Variants in ST6GALNAC6 observed in about 807,000 individuals in gnomAD.
The protein encoded by ST6GALNAC6 is ST6 N-acetylgalactosaminide alpha-2,6-sialyltransferase 6.
A neutral mutation model predicts 34.3 loss-of-function variants in ST6GALNAC6; 19 were observed. That is an observed-to-expected ratio of 0.55 (90% CI 0.39 to 0.81). The LOEUF (loss-of-function observed/expected upper bound fraction) is 0.81, where lower values mean the gene tolerates loss of function less well. ST6GALNAC6 is among the 40% of genes least tolerant of loss of function. The pLI, the probability that ST6GALNAC6 is intolerant of heterozygous loss-of-function variation, is 0.00. For missense variants in ST6GALNAC6, 377 were observed against 467.7 expected, an observed-to-expected ratio of 0.81 and a Z score of 1.79; for synonymous variants, 185 against 182.1, an observed-to-expected ratio of 1.02 and a Z score of -0.13.
chr9:127,896,782 G>C, intron 2 of ST6GALNAC6: 1 of 870,188 alleles, frequency 1.1e-6, no homozygotes, highest in Non-Finnish European at 1.4e-6. Context: ...ATGGCCTCCT[G>C]ACTCCCACTC....
chr9:127,886,938 G>C, intron 6 of ST6GALNAC6, 150 bp from the exon 7 acceptor site: 1 of 745,126 alleles, frequency 1.3e-6, no homozygotes, highest in South Asian at 2.3e-5. Flanking sequence ...ATGGGTGCAG[G>C]GTAGACTAGG....
In ST6GALNAC6 at chr9:127,894,605, G is replaced by A. The variant is rs753652984; in HGVS notation, c.204C>T (p.Phe68=). 2 of 1,614,230 alleles carry A rather than the reference G, an allele frequency of 1.2e-6. No individual in the cohort carries two copies. Among genetic ancestry groups the A allele is most frequent in the South Asian group, 1.1e-5 (1 of 91,082 alleles). Residue 68 remains phenylalanine, a synonymous_variant, in exon 4 of 7, where the codon TTC becomes TTT. Coordinates refer to ENST00000373146, the MANE Select transcript of ST6GALNAC6 (RefSeq NM_013443.5). ...TACGGCCCCGCAGGGAGCCGTAATG[G>A]AAGACCTCATTGGCACTGTTGGAGC... ...LYSSNSANEV[F]HYGSLRGRSR...
chr9:127,891,920 G>A (rs1457237887), intron 4 of ST6GALNAC6, among the ~76,000 whole-genome samples: 3 of 152,040 alleles, frequency 2.0e-5, no homozygotes, highest in Admixed American at 2.0e-4. Context: ...GGGAGGCTGA[G>A]GTGGGCGGAT....
rs775328456 is a variant in ST6GALNAC6, at chr9:127,896,346, G to A, written c.27-14C>T. 9 of 1,604,668 alleles carry A rather than the reference G, an allele frequency of 5.6e-6. No homozygotes were observed. In the South Asian group the frequency reaches 6.7e-5, roughly 12 times the overall value. Reference sequence around the variant, plus strand: ...GTGGGTTCACACCTGCAAGCCACCAGAAAGGGTTATTATGGCTTCGGTCCT... The same window carrying A: ...GTGGGTTCACACCTGCAAGCCACCAAAAAGGGTTATTATGGCTTCGGTCCT... On this transcript the variant is annotated splice_polypyrimidine_tract_variant and intron_variant, in intron 2 of 6. Coordinates refer to ENST00000373146, the MANE Select transcript of ST6GALNAC6 (RefSeq NM_013443.5).
chr9:127,897,580 A>C (rs1218775579), intron 2 of ST6GALNAC6, among the ~76,000 whole-genome samples: 2 of 150,114 alleles, frequency 1.3e-5, no homozygotes, highest in African/African-American at 4.9e-5. Flanking sequence ...AGGGAGGCCC[A>C]GACTCCTATC....
Position 127,897,947 on chromosome 9 carries a change from A to G in ST6GALNAC6, c.26+9T>C. On this transcript the variant is annotated intron_variant, in intron 2 of 6. Coordinates refer to ENST00000373146, the MANE Select transcript of ST6GALNAC6 (RefSeq NM_013443.5). ...AGCTGCCAGTGCGAATCCCGGTTTC[A>G]CCACTTACTGGCTGGGGGGCCTCGA... The G allele has an allele frequency of 6.2e-7, 1 of 1,612,678 alleles. No individual in the cohort carries two copies. The highest frequency in any genetic ancestry group is 8.5e-7 in the Non-Finnish European group (1 of 1,179,364).
At chr9:127,894,470 T>C in intron 4 of ST6GALNAC6, 42 bp downstream of exon 4, 2 of 1,605,862 alleles carry the variant, frequency 1.2e-6, no homozygotes, top group Non-Finnish European at 1.7e-6. Flanking sequence ...GGAGTGGTGA[T>C]GCTGGGCAGT....
chr9:127,886,542 G>A lies in ST6GALNAC6; in HGVS notation c.*57C>T, dbSNP rs1003536708. ...GCCAGAAGATGGTCCCTGGCCTAGCGGCTGGGCGGAGGCTGCTTCTCCTCT... is the reference window on the plus strand; with the variant it reads ...GCCAGAAGATGGTCCCTGGCCTAGCAGCTGGGCGGAGGCTGCTTCTCCTCT... On this transcript the variant is annotated 3_prime_UTR_variant, in exon 7 of 7. Coordinates refer to ENST00000373146, the MANE Select transcript of ST6GALNAC6 (RefSeq NM_013443.5). The A allele has an allele frequency of 6.2e-7, 1 of 1,600,226 alleles. No homozygotes were observed. The highest frequency in any genetic ancestry group is 1.3e-5 in the African/African-American group (1 of 74,414).
At chr9:127,899,301 G>A (rs1830654410) in intron 1 of ST6GALNAC6, 1 of 170,512 alleles carries the variant, frequency 5.9e-6, no homozygotes, top group Non-Finnish European at 1.2e-5. Context: ...GAGGCCCAGC[G>A]GACCCCGCGA....
rs745464253 is a variant in ST6GALNAC6 at position 127,886,626 on chromosome 9, G to T, written c.975C>A (p.Ile325=). The part of the protein sequence containing the change: ...VFSSWAQLYG[I]TFSHPSWT ...AGGTCCAGGAGGGGTGGGAGAAGGT[G>T]ATGCCATACAGCTGGGCCCACGATG... The change falls in exon 7 of 7, where the codon ATC becomes ATA. Residue 325 remains isoleucine (I), a synonymous_variant. Transcript: ENST00000373146. 6.2e-7 allele frequency: 1 copy of T among 1,614,022 alleles called. No individual in the cohort carries two copies. The highest frequency in any genetic ancestry group is 8.5e-7 in the Non-Finnish European group (1 of 1,180,016).
intron 4 of ST6GALNAC6, among the ~76,000 whole-genome samples, chr9:127,892,163 CA>C (rs1251168118): frequency 6.6e-6 from 1 of 151,920 alleles, no homozygotes; most frequent in Non-Finnish European, 1.5e-5. Flanking sequence ...AAAAACAAAA[CA>C]AAACAAAAAA....
At position 127,885,818 on chromosome 9, in the gene ST6GALNAC6, T is replaced by C. The variant is rs1022951383; in HGVS notation, c.*781A>G. The stretch of plus-strand genomic sequence containing the variant: ...CAGAGTCCCCCAACCCTGAAGGAGT[T>C]TGCGCAAAAATACCCTAAAGTTTTC... On this transcript the variant is annotated 3_prime_UTR_variant, in exon 7 of 7. Transcript: ENST00000373146. 14 of 152,116 alleles carry C rather than the reference T, an allele frequency of 9.2e-5. No individual in the cohort carries two copies. The highest frequency in any genetic ancestry group is 3.1e-4 in the African/African-American group (13 of 41,394). 9.4% of individuals were successfully genotyped at this position (152,116 alleles called of 1,614,324 possible). A position where few individuals can be genotyped will look rare whatever the true frequency, so the allele number is the denominator to read the frequency against.
chr9:127,891,202 G>A (rs1830114020), intron 4 of ST6GALNAC6, among the ~76,000 whole-genome samples, 159 bp from the exon 5 acceptor site: 1 of 152,176 alleles, frequency 6.6e-6, no homozygotes, highest in African/African-American at 2.4e-5. Flanking sequence ...ATAGCAAGCT[G>A]GTTAATGGCC....
In ST6GALNAC6 at chr9:127,890,815, G is replaced by A; in HGVS notation, c.526C>T (p.Pro176Ser). 1 of 1,613,840 alleles carries A rather than the reference G, an allele frequency of 6.2e-7. No individual in the cohort carries two copies. Among genetic ancestry groups the A allele is most frequent in the South Asian group, 1.1e-5 (1 of 91,074 alleles). ...RRPQEFVNRT[P>S]ETVFIFWGPP... Reference sequence around the variant, plus strand: ...CCCCAGAAGATGAACACGGTTTCAGGGGTCCGGTTGACAAACTCCTGGGGC... The same window carrying A: ...CCCCAGAAGATGAACACGGTTTCAGAGGTCCGGTTGACAAACTCCTGGGGC... Residue 176 changes from proline to serine, a missense_variant, in exon 5 of 7, where the codon CCT becomes TCT. Physicochemically the swap from Pro to Ser is moderately conservative, Grantham distance 74. Transcript: ENST00000373146. This position sits in a 1 kb window ranked among gnomAD's most constrained non-coding sequence, Gnocchi z 4.3.
intron 5 of ST6GALNAC6, among the ~76,000 whole-genome samples, chr9:127,887,815 G>A (rs540261117): frequency 2.0e-5 from 3 of 152,344 alleles, no homozygotes; most frequent in Admixed American, 6.5e-5. Flanking sequence ...CCTTTGAGGG[G>A]AAGAATGGGA....
chr9:127,897,359 G>T (rs1588656263), intron 2 of ST6GALNAC6: 1 of 986,022 alleles, frequency 1.0e-6, no homozygotes, highest in South Asian at 4.7e-5. Flanking sequence ...TATTCTCTGA[G>T]CCCTTTGACC....
At chr9:127,905,435 T>G (rs1830892518), upstream of ST6GALNAC6, 1 of 985,438 alleles carries the variant, frequency 1.0e-6, no homozygotes, top group Non-Finnish European at 1.2e-6. Flanking sequence ...AGGGCCAGGT[T>G]AGAGGAGCCT....
chr9:127,905,345 G>A (rs1042816813), upstream of ST6GALNAC6: 10 of 985,468 alleles, frequency 1.0e-5, no homozygotes, highest in Non-Finnish European at 1.1e-5. Context: ...AGTGACTGAC[G>A]CATCACTCCT....
chr9:127,898,101 T>A, intron 1 of ST6GALNAC6, 91 bp from the exon 2 acceptor site: 1 of 746,514 alleles, frequency 1.3e-6, no homozygotes, highest in Non-Finnish European at 2.3e-6. Context: ...GGCTTGAAAG[T>A]GCTCCCACAT....
Sources: gnomAD v4.1 joint callset for allele counts (sites outside exome capture counted in the v4.1 genomes callset) on GRCh38, gnomAD v4.1.1 for gene constraint, Gnocchi (gnomAD v3.1) non-coding constraint, MANE v1.5 for transcripts, NCBI Gene and HGNC (gene_info 2026-07-23, HGNC 2026-07-21) for gene names.